GRM5: variants seen among roughly 807,000 people sequenced by gnomAD.
GRM5 encodes the protein glutamate metabotropic receptor 5, also known as metabotropic glutamate receptor 5.
A neutral mutation model predicts 83.1 loss-of-function variants in GRM5; 19 were observed. The ratio of observed to expected loss-of-function variants is 0.23; its 90% CI spans 0.16 to 0.34. GRM5 has a LOEUF of 0.34. GRM5 is among the 10% of genes least tolerant of loss of function. The pLI is 1.00. For missense variants in GRM5, 1,160 were observed against 1,588.3 expected, an observed-to-expected ratio of 0.73 and a Z score of 4.58; for synonymous variants, 675 against 633.6, an observed-to-expected ratio of 1.07 and a Z score of -0.98.
Position 88,898,852 on chromosome 11 carries a change from C to T in GRM5, c.662-48697G>A, listed in dbSNP as rs115604021. ...TGTTGCAGTAATTTTTAGATTGATA[C>T]CTAACTTTGTTTACTAATTAATAAT... On this transcript the variant is annotated intron_variant, in intron 2 of 9. Coordinates refer to ENST00000305447, the MANE Select transcript of GRM5 (RefSeq NM_001143831.3). Among the ~76,000 whole-genome samples the T allele has an allele frequency of 1.5e-3, 234 of 151,972 alleles. 1 individual carries two copies. Among genetic ancestry groups the T allele is most frequent in the African/African-American group, 5.5e-3 (229 of 41,516 alleles).
chr11:88,937,817 G>A (rs1366188626), intron 2 of GRM5, among the ~76,000 whole-genome samples: 1 of 151,686 alleles, frequency 6.6e-6, no homozygotes, highest in African/African-American at 2.4e-5. Context: ...ATACCTGTGA[G>A]CAAAGCCAGT....
At chr11:88,825,789 C>A (rs940226845) in intron 3 of GRM5, among the ~76,000 whole-genome samples, 1 of 152,124 alleles carries the variant, frequency 6.6e-6, no homozygotes, top group Non-Finnish European at 1.5e-5. Flanking sequence ...CTGAAGGAAC[C>A]CTCAAGGAAA....
intron 3 of GRM5, among the ~76,000 whole-genome samples, chr11:88,690,788 A>G (rs1940763177): frequency 6.6e-6 from 1 of 152,188 alleles, no homozygotes; most frequent in African/African-American, 2.4e-5. Flanking sequence ...GGGGCCATAC[A>G]AGGTTTCTTG....
chr11:89,065,582 C>T (rs1039980635), intron 1 of GRM5, among the ~76,000 whole-genome samples, 194 bp downstream of exon 1: 2 of 152,126 alleles, frequency 1.3e-5, no homozygotes, highest in Non-Finnish European at 2.9e-5. Flanking sequence ...CTTTTCTAAA[C>T]TTGCAGGACC....
intron 1 of GRM5, among the ~76,000 whole-genome samples, chr11:89,054,388 G>A (rs879074997): frequency 1.3e-5 from 2 of 152,148 alleles, no homozygotes; most frequent in Admixed American, 6.6e-5. Context: ...CAAGGATGTG[G>A]ATGGAAACAA....
intron 9 of GRM5, among the ~76,000 whole-genome samples, chr11:88,524,650 A>G (rs993629301): frequency 6.6e-6 from 1 of 152,230 alleles, no homozygotes; most frequent in African/African-American, 2.4e-5. Flanking sequence ...TGCCTAGTAT[A>G]AAAGAACATG....
chr11:88,569,067 C>T (rs1373001375), intron 7 of GRM5, among the ~76,000 whole-genome samples: 1 of 152,160 alleles, frequency 6.6e-6, no homozygotes, highest in Non-Finnish European at 1.5e-5. Context: ...TGGCTACACA[C>T]TAGAATCACC....
chr11:88,662,477 C>T (rs973062914), intron 3 of GRM5, among the ~76,000 whole-genome samples: 2 of 152,048 alleles, frequency 1.3e-5, no homozygotes, highest in Non-Finnish European at 2.9e-5. Context: ...GATCTCTGAT[C>T]TTTGGGGTAT....
intron 2 of GRM5, among the ~76,000 whole-genome samples, chr11:88,952,106 C>G (rs1938482152): frequency 8.0e-6 from 1 of 125,436 alleles, no homozygotes; most frequent in South Asian, 3.3e-4. Context: ...CTCTCTTCCA[C>G]CATGTGCACA....
intron 3 of GRM5, among the ~76,000 whole-genome samples, chr11:88,841,882 G>A (rs1944209989): frequency 6.6e-6 from 1 of 152,128 alleles, no homozygotes; most frequent in Non-Finnish European, 1.5e-5. Flanking sequence ...ATTTAGTGGT[G>A]AAATGCACAG....
intron 8 of GRM5, among the ~76,000 whole-genome samples, chr11:88,538,688 C>T (rs1276400400): frequency 1.3e-5 from 2 of 152,214 alleles, no homozygotes; most frequent in African/African-American, 4.8e-5. Context: ...AGAGCCATCA[C>T]TTACTGAGCA....
chr11:88,688,843 T>C (rs1940710042), intron 3 of GRM5, among the ~76,000 whole-genome samples: 2 of 152,130 alleles, frequency 1.3e-5, no homozygotes, highest in Admixed American at 1.3e-4. Context: ...CCTCATCTTG[T>C]TAGGCGATTA....
intron 4 of GRM5, among the ~76,000 whole-genome samples, chr11:88,640,906 T>C (rs1939274232): frequency 1.3e-5 from 2 of 152,168 alleles, no homozygotes. Context: ...ATGCCATTAA[T>C]TAGACATGAC....
chr11:88,584,550 C>T (rs1408924379), intron 7 of GRM5, among the ~76,000 whole-genome samples: 1 of 152,184 alleles, frequency 6.6e-6, no homozygotes, highest in African/African-American at 2.4e-5. Flanking sequence ...TCAAGCGATT[C>T]TCCTGCCTCA....
chr11:88,608,256 G>A (rs909472543), intron 4 of GRM5, among the ~76,000 whole-genome samples: 1 of 152,058 alleles, frequency 6.6e-6, no homozygotes, highest in Non-Finnish European at 1.5e-5. Flanking sequence ...TGCATGGTGA[G>A]CTTGCTTCAC....
At chr11:88,992,084 G>A (rs1402517204) in intron 2 of GRM5, among the ~76,000 whole-genome samples, 3 of 151,986 alleles carry the variant, frequency 2.0e-5, no homozygotes, top group South Asian at 4.2e-4. Flanking sequence ...GCAACCTACA[G>A]AATGGGAGAA....
chr11:88,528,182 A>T (rs995885322), intron 8 of GRM5, among the ~76,000 whole-genome samples: 1 of 152,096 alleles, frequency 6.6e-6, no homozygotes, highest in African/African-American at 2.4e-5. Context: ...AAATAATGAA[A>T]ATTCAAAACA....
At chr11:88,626,641 T>C (rs984303723) in intron 4 of GRM5, among the ~76,000 whole-genome samples, 1 of 152,172 alleles carries the variant, frequency 6.6e-6, no homozygotes, top group African/African-American at 2.4e-5. Context: ...ATGGACTAAA[T>C]TACGTCCCCT....
chr11:88,953,976 T>C (rs1938537047), intron 2 of GRM5, among the ~76,000 whole-genome samples: 1 of 152,226 alleles, frequency 6.6e-6, no homozygotes, highest in Non-Finnish European at 1.5e-5. Flanking sequence ...CATATTATGT[T>C]TTATGTTAAC....
Sources: allele counts gnomAD v4.1 joint callset (sites outside exome capture counted in the v4.1 genomes callset), GRCh38; gene constraint gnomAD v4.1.1; transcripts MANE v1.5; gene names NCBI Gene and HGNC (gene_info 2026-07-23, HGNC 2026-07-21).